The following SFI1 variants were observed in gnomAD, a reference collection of about 807,000 sequenced individuals.
The protein encoded by SFI1 is SFI1 centrin binding protein, also known as protein SFI1 homolog.
In SFI1, 195 loss-of-function variants were observed where a neutral mutation model predicts 207.5. The ratio of observed to expected loss-of-function variants is 0.94; its 90% CI spans 0.84 to 1.06. The LOEUF (loss-of-function observed/expected upper bound fraction) is 1.06, where lower values mean the gene tolerates loss of function less well. Among genes scored for constraint, SFI1 ranks in the 50% least tolerant of loss-of-function variants. The pLI is 0.00. For missense variants in SFI1, 1,634 were observed against 1,588.0 expected (o/e 1.03, Z -0.49); for synonymous variants, 630 against 598.9 (o/e 1.05, Z -0.76).
Position 31,561,174 on chromosome 22 carries a change from T to C in SFI1, c.663-116T>C, listed in dbSNP as rs1227556747. On this transcript the variant is annotated intron_variant, in intron 7 of 32. Coordinates refer to ENST00000400288, the MANE Select transcript of SFI1 (RefSeq NM_001007467.3). ...TTTTCCCCAGCAGTGAATCTAGAGA[T>C]GGTACTATGAAGGAGAGGACTAGAG... 2.3e-5 allele frequency: 17 copies of C among 750,276 alleles called. 1 individual carries two copies. The highest frequency in any genetic ancestry group is 3.0e-5 in the Non-Finnish European group (14 of 461,764). The allele number at this position is 750,276 out of a possible 1,614,324, so 46.5% of individuals were successfully genotyped here. A position where few individuals can be genotyped will look rare whatever the true frequency, so the allele number is the denominator to read the frequency against.
intron 14 of SFI1, among the ~76,000 whole-genome samples, chr22:31,585,932 G>T (rs1269287313): frequency 2.6e-5 from 4 of 152,052 alleles, no homozygotes; most frequent in Admixed American, 1.3e-4. Context: ...TTTTCGTGCT[G>T]CCCACCCTAC....
At chr22:31,510,814 G>T (rs1391349908) in intron 2 of SFI1, among the ~76,000 whole-genome samples, 1 of 152,096 alleles carries the variant, frequency 6.6e-6, no homozygotes, top group Non-Finnish European at 1.5e-5. Context: ...TAATTTGTTG[G>T]CATAAAGTTA....
chr22:31,513,167 T>C (rs2055884497), intron 2 of SFI1, among the ~76,000 whole-genome samples: 2 of 152,040 alleles, frequency 1.3e-5, no homozygotes, highest in African/African-American at 4.8e-5. Context: ...TTGACTTTTT[T>C]TTTTCTTTTG....
At chr22:31,548,385 C>T (rs926459871) in intron 5 of SFI1, among the ~76,000 whole-genome samples, 3 of 151,366 alleles carry the variant, frequency 2.0e-5, no homozygotes, top group Non-Finnish European at 4.4e-5. Flanking sequence ...GCCTGGCCAA[C>T]ATTGGTGAAA....
At chr22:31,605,053 G>T in intron 20 of SFI1, 108 bp downstream of exon 20, 1 of 931,364 alleles carries the variant, frequency 1.1e-6, no homozygotes, top group Admixed American at 3.1e-5. Context: ...GATGATCCCG[G>T]GTTCCTAGTC....
chr22:31,565,195 C>T (rs1012543731), intron 8 of SFI1, among the ~76,000 whole-genome samples: 1 of 152,034 alleles, frequency 6.6e-6, no homozygotes, highest in African/African-American at 2.4e-5. Context: ...CTTCTACTGC[C>T]TCTCCTCCTT....
chr22:31,557,123 C>A, intron 7 of SFI1, 64 bp downstream of exon 7: 4 of 978,864 alleles, frequency 4.1e-6, no homozygotes, highest in Admixed American at 2.4e-5. Context: ...CTTTATGGTG[C>A]TGGAAAACAG....
intron 22 of SFI1, among the ~76,000 whole-genome samples, chr22:31,609,074 T>C (rs2069594450): frequency 2.0e-5 from 3 of 152,052 alleles, no homozygotes; most frequent in South Asian, 4.2e-4. Context: ...CTCGGCTCAC[T>C]GCAACCTCCA....
chr22:31,604,778 G>T, intron 19 of SFI1, 91 bp from the exon 20 acceptor site: 1 of 1,198,826 alleles, frequency 8.3e-7, no homozygotes. Flanking sequence ...TCTGGGCATG[G>T]CAGCCTTGTG....
chr22:31,526,494 G>T (rs559439253), intron 2 of SFI1, among the ~76,000 whole-genome samples: 1 of 152,182 alleles, frequency 6.6e-6, no homozygotes, highest in Admixed American at 6.5e-5. Flanking sequence ...CCCATGACAC[G>T]TGGGGATTAT....
intron 4 of SFI1, among the ~76,000 whole-genome samples, chr22:31,536,912 A>G (rs56916509): frequency 6.6e-6 from 1 of 151,216 alleles, no homozygotes; most frequent in African/African-American, 2.4e-5. Flanking sequence ...TTTTTTTAAA[A>G]TTAACTTTTT....
intron 2 of SFI1, among the ~76,000 whole-genome samples, chr22:31,513,811 C>G (rs541861869): frequency 6.6e-6 from 1 of 151,544 alleles, no homozygotes; most frequent in Non-Finnish European, 1.5e-5. Context: ...AAACTCCTGA[C>G]CTCGTGATCC....
At chr22:31,522,274 G>T (rs62236257) in intron 2 of SFI1, among the ~76,000 whole-genome samples, 6,510 of 151,132 alleles carry the variant, frequency 0.043, 122 homozygotes, top group African/African-American at 0.05. Flanking sequence ...CACCATGTTG[G>T]CCAGGCTGCT....
At chr22:31,571,902 T>C (rs79724568) in intron 8 of SFI1, among the ~76,000 whole-genome samples, 1 of 136,870 alleles carries the variant, frequency 7.3e-6, no homozygotes, top group African/African-American at 2.5e-5. Context: ...ATCTTGAAGA[T>C]TTTTTTTTTT....
chr22:31,528,870 TTA>T lies in SFI1; in HGVS notation c.266+9_266+10del, dbSNP rs1569224426. ...TAAGAGAACTGCGCATCAGGTGAGC[TTA>T]TGAGTGGCCACCAGTCTATGGGTAC... On this transcript the variant is annotated splice_region_variant and intron_variant, in intron 3 of 32. Transcript: ENST00000400288. The T allele has an allele frequency of 6.2e-7, 1 of 1,608,490 alleles. No homozygotes were observed. Among genetic ancestry groups the T allele is most frequent in the East Asian group, 2.2e-5 (1 of 44,770 alleles).
chr22:31,501,020 A>G (rs1474528959), intron 1 of SFI1, among the ~76,000 whole-genome samples: 1 of 149,488 alleles, frequency 6.7e-6, no homozygotes, highest in East Asian at 2.0e-4. Flanking sequence ...GCTGGTCTCG[A>G]ACTCCTGACC....
intron 6 of SFI1, among the ~76,000 whole-genome samples, chr22:31,553,182 A>G (rs545493374): frequency 6.6e-6 from 1 of 152,146 alleles, no homozygotes; most frequent in Admixed American, 6.6e-5. Flanking sequence ...GTGTAAGATG[A>G]TATCTCATTG....
chr22:31,606,645 A>G, intron 21 of SFI1: 1 of 462,098 alleles, frequency 2.2e-6, no homozygotes, highest in Non-Finnish European at 3.8e-6. Flanking sequence ...GAAACATAAC[A>G]CATCATAAGT....
chr22:31,535,488 C>CT (rs774070290), intron 4 of SFI1, among the ~76,000 whole-genome samples: 3 of 151,024 alleles, frequency 2.0e-5, no homozygotes, highest in East Asian at 1.9e-4. Context: ...CGCGCCTGAC[C>CT]TTTTTTTTGT....
Sources: allele counts gnomAD v4.1 joint callset (sites outside exome capture counted in the v4.1 genomes callset), GRCh38; gene constraint gnomAD v4.1.1; transcripts MANE v1.5; gene names NCBI Gene and HGNC (gene_info 2026-07-23, HGNC 2026-07-21).